Variants in GPAA1 observed in about 807,000 individuals in gnomAD.
The protein encoded by GPAA1 is glycosylphosphatidylinositol anchor attachment 1.
GPAA1 carries 54 observed loss-of-function variants against 64.0 expected under a neutral mutation model. The observed-to-expected ratio is 0.84, with a 90% CI of 0.68 to 1.06. The LOEUF (loss-of-function observed/expected upper bound fraction) is 1.06, where lower values mean the gene tolerates loss of function less well. Ranked by LOEUF, GPAA1 falls within the 50% of genes least tolerant of loss-of-function variation. The probability of loss-of-function intolerance (pLI) is 0.00; values close to 1 mark genes in which losing one functional copy is unlikely to be tolerated. For synonymous variants in GPAA1, 393 were observed against 377.3 expected, an observed-to-expected ratio of 1.04 and a Z score of -0.48; for missense variants, 780 against 822.3, an observed-to-expected ratio of 0.95 and a Z score of 0.63.
In GPAA1 at chr8:144,085,364, G is replaced by T; in HGVS notation, c.1336G>T (p.Val446Leu). The T allele has an allele frequency of 6.2e-7, 1 of 1,609,820 alleles. No homozygotes were observed. Among genetic ancestry groups the T allele is most frequent in the African/African-American group, 1.3e-5 (1 of 75,040 alleles). The change falls in exon 10 of 12, where the codon GTG (valine) becomes TTG (leucine). Residue 446 changes from valine to leucine, a missense_variant. By Grantham distance (32) the Val-to-Leu change is conservative (BLOSUM62 1). Transcript: ENST00000355091. ...GGGACTGGCCCTCTATGTCCTGCCAGTGCTGGGCCAACACGTTGCCACCCA... is the reference window on the plus strand; with the variant it reads ...GGGACTGGCCCTCTATGTCCTGCCATTGCTGGGCCAACACGTTGCCACCCA... ...AMGLALYVLPVLGQHVATQHF... is the reference protein window; with the variant it reads ...AMGLALYVLPLLGQHVATQHF...
At chr8:144,085,518 G>A (rs782237662) in intron 10 of GPAA1, 39 bp downstream of exon 10, 2 of 1,604,930 alleles carry the variant, frequency 1.2e-6, no homozygotes, top group Non-Finnish European at 1.7e-6. Flanking sequence ...AGGGGTAGAG[G>A]TCCCCTGGAC....
Position 144,085,581 on chromosome 8 carries a change from G to A in GPAA1, c.1460G>A (p.Ser487Asn). The A allele has an allele frequency of 6.2e-7, 1 of 1,613,434 alleles. No homozygotes were observed. The highest frequency in any genetic ancestry group is 8.5e-7 in the Non-Finnish European group (1 of 1,179,872). ...AGTCCTTTGTCTTACAGGGTGGTAA[G>A]CACACAGGCCCCAGACAGGGGCTGG... ...ALPHNTHRVV[S>N]TQAPDRGWMA... The change falls in exon 11 of 12, where the codon AGC becomes AAC. Residue 487 changes from serine (S) to asparagine (N), a missense_variant. Physicochemically the swap from Ser to Asn is conservative, Grantham distance 46. Coordinates refer to ENST00000355091, the MANE Select transcript of GPAA1 (RefSeq NM_003801.4).
chr8:144,085,773 A>G (rs782629462), intron 11 of GPAA1, 30 bp downstream of exon 11: 7 of 1,608,408 alleles, frequency 4.4e-6, no homozygotes, highest in Non-Finnish European at 5.1e-6. Context: ...ACTTCCCCCA[A>G]TGCCTGTGCC....
At position 144,085,720 on chromosome 8, in the gene GPAA1, G is replaced by C. The variant is rs782116999; in HGVS notation, c.1599G>C (p.Ala533=). The C allele has an allele frequency of 6.7e-5, 108 of 1,612,826 alleles. No individual in the cohort carries two copies. Among genetic ancestry groups the C allele is most frequent in the Non-Finnish European group, 2.8e-5 (33 of 1,179,984 alleles). Residue 533 remains alanine (A), a synonymous_variant, in exon 11 of 12, where the codon GCG becomes GCC. Coordinates refer to ENST00000355091, the MANE Select transcript of GPAA1 (RefSeq NM_003801.4). Reference sequence around the variant, plus strand: ...CCACCACCATGGTGCCCACTGCTGCGCTTGCCAAGCCTCATGGGCCCCGGT... The same window carrying C: ...CCACCACCATGGTGCCCACTGCTGCCCTTGCCAAGCCTCATGGGCCCCGGT... The part of the protein sequence containing the change: ...LLATTMVPTA[A]LAKPHGPRTL...
At chr8:144,085,804 C>G in intron 11 of GPAA1, 61 bp downstream of exon 11, 1 of 1,601,446 alleles carries the variant, frequency 6.2e-7, no homozygotes, top group Non-Finnish European at 8.5e-7. Flanking sequence ...ACCGCACCCT[C>G]ATTCAGTAGC....
In GPAA1 at chr8:144,085,583, A is replaced by G. The variant is rs1835983680; in HGVS notation, c.1462A>G (p.Thr488Ala). 6.2e-7 allele frequency: 1 copy of G among 1,613,414 alleles called. No homozygotes were observed. The highest frequency in any genetic ancestry group is 1.7e-5 in the Admixed American group (1 of 59,992). The change falls in exon 11 of 12, where the codon ACA (threonine) becomes GCA (alanine). Residue 488 changes from threonine to alanine, a missense_variant. By Grantham distance (58) the Thr-to-Ala change is moderately conservative. Transcript: ENST00000355091. ...TCCTTTGTCTTACAGGGTGGTAAGC[A>G]CACAGGCCCCAGACAGGGGCTGGAT... ...LPHNTHRVVS[T>A]QAPDRGWMAL...
Position 144,083,976 on chromosome 8 carries a change from A to G in GPAA1, c.552A>G (p.Val184=), listed in dbSNP as rs782016366. The G allele has an allele frequency of 2.5e-6, 4 of 1,613,970 alleles. No individual in the cohort carries two copies. Among genetic ancestry groups the G allele is most frequent in the South Asian group, 2.2e-5 (2 of 91,092 alleles). The change falls in exon 5 of 12, where the codon GTA becomes GTG. Residue 184 remains valine, a synonymous_variant. Transcript: ENST00000355091. Reference sequence around the variant, plus strand: ...GGGCCAAAGATATCGTCTTCCTGGTAACAGAACATGACCTTCTGGGCACTG... The same window carrying G: ...GGGCCAAAGATATCGTCTTCCTGGTGACAGAACATGACCTTCTGGGCACTG... The part of the protein sequence containing the change: ...IYWAKDIVFL[V]TEHDLLGTEA...
chr8:144,086,060 C>T lies in GPAA1; in HGVS notation c.1801C>T (p.Pro601Ser), dbSNP rs1835991481. ...EHHTYGALLF[P>S]LLSLGLYPCW... ...CCACACCTACGGCGCCCTGCTCTTC[C>T]CACTGCTGTCCCTGGGCCTCTACCC... The change falls in exon 12 of 12, where the codon CCA (proline) becomes TCA (serine). Residue 601 changes from proline (P) to serine (S), a missense_variant. By Grantham distance (74) the Pro-to-Ser change is moderately conservative. Transcript: ENST00000355091. 1 of 1,613,380 alleles carries T rather than the reference C, an allele frequency of 6.2e-7. No individual in the cohort carries two copies. Among genetic ancestry groups the T allele is most frequent in the African/African-American group, 1.3e-5 (1 of 74,932 alleles).
intron 8 of GPAA1, 55 bp from the exon 9 acceptor site, chr8:144,084,988 T>TC: frequency 6.4e-7 from 1 of 1,558,714 alleles, no homozygotes; most frequent in Non-Finnish European, 8.8e-7. Flanking sequence ...GAGCCCTGGG[T>TC]CCCCCTCTGG....
At position 144,084,711 on chromosome 8, in the gene GPAA1, A is replaced by G. The variant is rs1554764094; in HGVS notation, c.1011-11A>G. 1.2e-6 allele frequency: 2 copies of G among 1,613,360 alleles called. No homozygotes were observed. The highest frequency in any genetic ancestry group is 1.7e-6 in the Non-Finnish European group (2 of 1,179,730). ...CTCTGGCCAGCCGTGAACCTGCCCC[A>G]CACCTGACAGGGCTTTGGAGGGCAT... On this transcript the variant is annotated splice_polypyrimidine_tract_variant and intron_variant, in intron 7 of 11. Coordinates refer to ENST00000355091, the MANE Select transcript of GPAA1 (RefSeq NM_003801.4).
chr8:144,083,705 T>C lies in GPAA1; in HGVS notation c.367-9T>C. On this transcript the variant is annotated splice_polypyrimidine_tract_variant and intron_variant, in intron 3 of 11. Coordinates refer to ENST00000355091, the MANE Select transcript of GPAA1 (RefSeq NM_003801.4). The stretch of plus-strand genomic sequence containing the variant: ...ACACTGAGGCTCCCCCCACCGATGC[T>C]GCATACAGATGGTGTCGGGCACCAA... 2 of 1,598,948 alleles carry C rather than the reference T, an allele frequency of 1.3e-6. No individual in the cohort carries two copies. The highest frequency in any genetic ancestry group is 8.5e-7 in the Non-Finnish European group (1 of 1,176,836).
Position 144,082,831 on chromosome 8 carries a change from G to A in GPAA1, c.74+27G>A, listed in dbSNP as rs782127392. On this transcript the variant is annotated intron_variant, in intron 1 of 11. Transcript: ENST00000355091. ...TGAGGACAGGGCCCGGGGAGGCGGG[G>A]ACCCGAGGGCCCTGGGCTCGCGCCG... 3 of 1,381,682 alleles carry A rather than the reference G, an allele frequency of 2.2e-6. No individual in the cohort carries two copies. The South Asian group carries it at 4.9e-5, about 22-fold the overall frequency. The allele number at this position is 1,381,682 out of a possible 1,614,324, so 85.6% of individuals were successfully genotyped here.
In GPAA1 at chr8:144,082,705, C is replaced by T; in HGVS notation, c.-26C>T. 7.1e-7 allele frequency: 1 copy of T among 1,405,904 alleles called. No individual in the cohort carries two copies. The highest frequency in any genetic ancestry group is 9.3e-7 in the Non-Finnish European group (1 of 1,080,748). 87.1% of individuals were successfully genotyped at this position (1,405,904 alleles called of 1,614,324 possible). On this transcript the variant is annotated 5_prime_UTR_variant, in exon 1 of 12. Coordinates refer to ENST00000355091, the MANE Select transcript of GPAA1 (RefSeq NM_003801.4). The stretch of plus-strand genomic sequence containing the variant: ...GCGGTAGTTGGAGGCGGGAGAGGGT[C>T]CGTAGCCGCGCCGCCCTGCCCCGCC...
chr8:144,083,468 C>T lies in GPAA1; in HGVS notation c.334C>T (p.Leu112=), dbSNP rs1554763836. ...EVYTQSFSRK[L]PFPDETHERY... The stretch of plus-strand genomic sequence containing the variant: ...CTACACGCAGAGTTTCTCCCGGAAA[C>T]TGCCCTTCCCAGATGAGACCCACGA... The change falls in exon 3 of 12, where the codon CTG becomes TTG. Residue 112 remains leucine, a synonymous_variant. Transcript: ENST00000355091. 6.2e-7 allele frequency: 1 copy of T among 1,613,728 alleles called. No homozygotes were observed. Among genetic ancestry groups the T allele is most frequent in the Non-Finnish European group, 8.5e-7 (1 of 1,179,820 alleles).
Position 144,085,333 on chromosome 8 carries a change from G to A in GPAA1, c.1305G>A (p.Gln435=). The change falls in exon 10 of 12, where the codon CAG becomes CAA. Residue 435 remains glutamine, a synonymous_variant. Transcript: ENST00000355091. ...ASLVAPLLIS[Q]AMGLALYVLP... ...TCGTGGCACCTCTGCTGATCTCACA[G>A]GCCATGGGACTGGCCCTCTATGTCC... The A allele has an allele frequency of 6.2e-7, 1 of 1,610,524 alleles. No individual in the cohort carries two copies. The highest frequency in any genetic ancestry group is 8.5e-7 in the Non-Finnish European group (1 of 1,179,588).
rs2129942971 is a variant in GPAA1, at chr8:144,084,288, C to T, written c.771C>T (p.Thr257=). ...TTGACCTGCTCAATCTCTTCCAGAC[C>T]TTCTGCCAGAAAGGGGGCCTGTTGT... ...PNLDLLNLFQ[T]FCQKGGLLCT... is the part of the protein sequence containing the mutation. The change falls in exon 6 of 12, where the codon ACC becomes ACT. Residue 257 remains threonine (T), a synonymous_variant. Transcript: ENST00000355091. 6.2e-7 allele frequency: 1 copy of T among 1,613,866 alleles called. No individual in the cohort carries two copies.
chr8:144,085,795 C>T, intron 11 of GPAA1, 52 bp downstream of exon 11: 2 of 1,602,000 alleles, frequency 1.2e-6, no homozygotes, highest in Non-Finnish European at 1.7e-6. Context: ...TCATCACAGA[C>T]CGCACCCTCA....
chr8:144,083,699 C>G lies in GPAA1; in HGVS notation c.367-15C>G. 6.3e-7 allele frequency: 1 copy of G among 1,595,358 alleles called. No individual in the cohort carries two copies. The highest frequency in any genetic ancestry group is 2.2e-5 in the East Asian group (1 of 44,732). On this transcript the variant is annotated splice_polypyrimidine_tract_variant and intron_variant, in intron 3 of 11. Transcript: ENST00000355091. Reference sequence around the variant, plus strand: ...AAAGTTACACTGAGGCTCCCCCCACCGATGCTGCATACAGATGGTGTCGGG... The same window carrying G: ...AAAGTTACACTGAGGCTCCCCCCACGGATGCTGCATACAGATGGTGTCGGG...
rs782494799 is a variant in GPAA1, at chr8:144,085,645, G to C, written c.1524G>C (p.Leu508=). The part of the protein sequence containing the change: ...LKLVALIYLA[L]QLGCIALTNF... ...TGGTAGCCCTGATCTACCTAGCACT[G>C]CAGCTGGGCTGCATCGCCCTCACCA... Residue 508 remains leucine, a synonymous_variant, in exon 11 of 12, where the codon CTG becomes CTC. Coordinates refer to ENST00000355091, the MANE Select transcript of GPAA1 (RefSeq NM_003801.4). 6.2e-7 allele frequency: 1 copy of C among 1,613,770 alleles called. No homozygotes were observed. The highest frequency in any genetic ancestry group is 8.5e-7 in the Non-Finnish European group (1 of 1,179,876).
Sources: allele counts gnomAD v4.1 joint callset, GRCh38; gene constraint gnomAD v4.1.1; transcripts MANE v1.5; gene names NCBI Gene and HGNC (gene_info 2026-07-23, HGNC 2026-07-21).